AR: variants seen among roughly 807,000 people sequenced by gnomAD.
AR encodes androgen receptor.
In AR, 8 loss-of-function variants were observed where a neutral mutation model predicts 53.9. The ratio of observed to expected loss-of-function variants is 0.15; its 90% CI spans 0.09 to 0.27. AR has a LOEUF of 0.27. Among genes scored for constraint, AR ranks in the 10% least tolerant of loss-of-function variants. The pLI is 1.00. For missense variants in AR, 639 were observed against 742.5 expected (o/e 0.86, Z 1.62); for synonymous variants, 359 against 316.4 (o/e 1.13, Z -1.43).
chrX:67,676,434 G>T (rs1425503454), intron 2 of AR, among the ~76,000 whole-genome samples: 1 of 112,145 alleles, frequency 8.9e-6, no homozygotes, highest in Non-Finnish European at 1.9e-5. Context: ...AATCACTTTT[G>T]CATGATGCAG....
chrX:67,640,238 A>G (rs971167386), intron 1 of AR, among the ~76,000 whole-genome samples: 6 of 109,958 alleles, frequency 5.5e-5, no homozygotes, highest in African/African-American at 2.0e-4. Context: ...TTTATTGAGG[A>G]TTTTTGCACT....
At chrX:67,656,743 C>T (rs905611270) in intron 2 of AR, among the ~76,000 whole-genome samples, 1 of 110,639 alleles carries the variant, frequency 9.0e-6, no homozygotes, top group Non-Finnish European at 1.9e-5. Context: ...TGTCAGGCCT[C>T]GTGCTGGATG....
intron 3 of AR, chrX:67,689,469 T>G (rs1346001408): frequency 1.7e-6 from 1 of 581,050 alleles, no homozygotes; most frequent in Non-Finnish European, 2.3e-6. Flanking sequence ...GGTGATGGAA[T>G]CTCTTCAGTT....
intron 1 of AR, among the ~76,000 whole-genome samples, chrX:67,613,516 CCAGA>C (rs1923975934): frequency 9.0e-6 from 1 of 111,240 alleles, no homozygotes; most frequent in African/African-American, 3.3e-5. Flanking sequence ...TACCAGAGAA[CCAGA>C]CAAAGGAATC....
At chrX:67,550,123 C>T (rs901191273) in intron 1 of AR, among the ~76,000 whole-genome samples, 54 of 111,802 alleles carry the variant, frequency 4.8e-4, no homozygotes, top group Admixed American at 4.6e-3. Flanking sequence ...GGGTGGCACC[C>T]CATTCGGAAG....
At chrX:67,550,656 TAAA>T (rs757091151) in intron 1 of AR, among the ~76,000 whole-genome samples, 1 of 91,117 alleles carries the variant, frequency 1.1e-5, no homozygotes, top group South Asian at 5.2e-4. Context: ...CTCTGAAAAA[TAAA>T]AAAAAAAAAA....
At chrX:67,683,327 G>C (rs1211764999) in intron 2 of AR, among the ~76,000 whole-genome samples, 1 of 110,754 alleles carries the variant, frequency 9.0e-6, no homozygotes, top group Non-Finnish European at 1.9e-5. Flanking sequence ...TAAAAAGACA[G>C]AATACAGGGA....
rs748735673 is a variant in AR, at chrX:67,545,836, G to C, written c.690G>C (p.Ser230=). 5.0e-6 allele frequency: 6 copies of C among 1,210,707 alleles called. No homozygotes were observed. Among genetic ancestry groups the C allele is most frequent in the Non-Finnish European group, 5.6e-6 (5 of 895,387 alleles). Residue 230 remains serine, a synonymous_variant, in exon 1 of 8, where the codon TCG becomes TCC. Transcript: ENST00000374690. ...SSKDNYLGGT[S]TISDNAKELC... ...AGGACAATTACTTAGGGGGCACTTC[G>C]ACCATTTCTGACAACGCCAAGGAGT...
At chrX:67,632,116 G>T (rs983059319) in intron 1 of AR, among the ~76,000 whole-genome samples, 2 of 112,917 alleles carry the variant, frequency 1.8e-5, no homozygotes, top group African/African-American at 6.4e-5. Flanking sequence ...TGCCCCCAGA[G>T]GTGAAGCCTA....
intron 1 of AR, among the ~76,000 whole-genome samples, chrX:67,621,880 C>G (rs908661713): frequency 1.8e-5 from 2 of 111,754 alleles, no homozygotes; most frequent in Admixed American, 9.5e-5. Flanking sequence ...CTTTGATAGT[C>G]AACAAGAGAC....
chrX:67,709,030 T>C (rs1331697202), intron 3 of AR, among the ~76,000 whole-genome samples: 1 of 111,871 alleles, frequency 8.9e-6, no homozygotes, highest in Non-Finnish European at 1.9e-5. Context: ...CCTAGCCATG[T>C]GAGGTATCAG....
intron 3 of AR, among the ~76,000 whole-genome samples, chrX:67,689,286 C>T (rs1435250574): frequency 1.8e-5 from 2 of 111,346 alleles, no homozygotes; most frequent in African/African-American, 6.5e-5. Flanking sequence ...TCCATTCACA[C>T]CTACTTAAGA....
chrX:67,694,698 G>A, intron 3 of AR: 1 of 1,154,815 alleles, frequency 8.7e-7, no homozygotes, highest in Non-Finnish European at 1.1e-6. Flanking sequence ...GCAATTGCAA[G>A]CATCTCAAAA....
chrX:67,630,785 T>TC (rs1456998598), intron 1 of AR, among the ~76,000 whole-genome samples: 2 of 110,916 alleles, frequency 1.8e-5, no homozygotes, highest in Non-Finnish European at 3.8e-5. Flanking sequence ...TACCGGTCGT[T>TC]CCTTTCCATG....
intron 2 of AR, among the ~76,000 whole-genome samples, chrX:67,662,658 T>G (rs1926998643): frequency 9.0e-6 from 1 of 111,298 alleles, no homozygotes; most frequent in Non-Finnish European, 1.9e-5. Context: ...CTGAAAAGAA[T>G]GTATATTCTG....
intron 1 of AR, among the ~76,000 whole-genome samples, chrX:67,630,502 C>T (rs1316908264): frequency 8.1e-5 from 9 of 110,898 alleles, no homozygotes; most frequent in African/African-American, 3.0e-4. Context: ...GTAGATCTTC[C>T]TCCATCCTTT....
At chrX:67,708,230 A>G (rs192592289) in intron 3 of AR, among the ~76,000 whole-genome samples, 62 of 112,084 alleles carry the variant, frequency 5.5e-4, no homozygotes, top group African/African-American at 1.7e-3. Context: ...AATATCCTGC[A>G]GAGTGTTTTC....
At chrX:67,693,565 C>G (rs908786719) in intron 3 of AR, among the ~76,000 whole-genome samples, 3 of 111,996 alleles carry the variant, frequency 2.7e-5, no homozygotes, top group African/African-American at 9.7e-5. Flanking sequence ...TGAACACATG[C>G]ATAGACAACT....
At chrX:67,652,736 G>C (rs1361136800) in intron 2 of AR, among the ~76,000 whole-genome samples, 1 of 111,728 alleles carries the variant, frequency 9.0e-6, no homozygotes, top group East Asian at 2.8e-4. Context: ...CTTAGTCCCT[G>C]ATAGTCATCT....
Sources: gnomAD v4.1 joint callset for allele counts (sites outside exome capture counted in the v4.1 genomes callset) on GRCh38, gnomAD v4.1.1 for gene constraint, MANE v1.5 for transcripts, NCBI Gene and HGNC (gene_info 2026-07-23, HGNC 2026-07-21) for gene names.